Variants in MCTP1 observed in about 807,000 individuals in gnomAD.
MCTP1 encodes multiple C2 and transmembrane domain containing 1.
MCTP1 carries 69 observed loss-of-function variants against 120.6 expected under a neutral mutation model. The observed-to-expected ratio is 0.57, with a 90% CI of 0.47 to 0.70. The LOEUF (loss-of-function observed/expected upper bound fraction) is 0.70, where lower values mean the gene tolerates loss of function less well. Among genes scored for constraint, MCTP1 ranks in the 30% least tolerant of loss-of-function variants. The probability of loss-of-function intolerance (pLI) is 0.00; values close to 1 mark genes in which losing one functional copy is unlikely to be tolerated. For synonymous variants in MCTP1, 529 were observed against 493.1 expected, an observed-to-expected ratio of 1.07 and a Z score of -0.96; for missense variants, 1,203 against 1,248.8, an observed-to-expected ratio of 0.96 and a Z score of 0.55.
chr5:95,231,422 C>A (rs1307072551), intron 1 of MCTP1, among the ~76,000 whole-genome samples: 1 of 151,848 alleles, frequency 6.6e-6, no homozygotes, highest in African/African-American at 2.4e-5. Flanking sequence ...CCACTTGAAA[C>A]AACAACAGCC....
chr5:95,208,090 T>A (rs1211818196), intron 1 of MCTP1, among the ~76,000 whole-genome samples: 1 of 151,512 alleles, frequency 6.6e-6, no homozygotes, highest in African/African-American at 2.4e-5. Flanking sequence ...ATTACCCTGT[T>A]GTTGTTGTTG....
intron 18 of MCTP1, among the ~76,000 whole-genome samples, chr5:94,794,779 G>A (rs957251261): frequency 1.3e-5 from 2 of 152,172 alleles, no homozygotes; most frequent in Admixed American, 6.5e-5. Context: ...TATCATTTTT[G>A]TTTCCCTGAA....
At chr5:95,009,006 G>A (rs1835328117) in intron 2 of MCTP1, among the ~76,000 whole-genome samples, 1 of 151,548 alleles carries the variant, frequency 6.6e-6, no homozygotes, top group Non-Finnish European at 1.5e-5. Context: ...TCCAGCCTGG[G>A]TGACCCTGTC....
At chr5:95,076,017 T>C (rs10476620) in intron 1 of MCTP1, among the ~76,000 whole-genome samples, 31,149 of 152,218 alleles carry the variant, frequency 0.2, 3,434 homozygotes, top group East Asian at 0.35. Context: ...GGAAATATGT[T>C]AGAACACCCC....
At chr5:95,070,773 G>A (rs1355624259) in intron 1 of MCTP1, among the ~76,000 whole-genome samples, 1 of 152,200 alleles carries the variant, frequency 6.6e-6, no homozygotes, top group Non-Finnish European at 1.5e-5. Context: ...TCATCCCGCA[G>A]TAGTTCCATA....
intron 12 of MCTP1, among the ~76,000 whole-genome samples, chr5:94,875,175 G>A (rs1449237314): frequency 6.6e-6 from 1 of 152,072 alleles, no homozygotes; most frequent in Non-Finnish European, 1.5e-5. Flanking sequence ...AAGGTAAAAG[G>A]GAGTGTTGGT....
At chr5:95,184,167 A>AT (rs1023486174) in intron 1 of MCTP1, among the ~76,000 whole-genome samples, 1 of 152,116 alleles carries the variant, frequency 6.6e-6, no homozygotes, top group Non-Finnish European at 1.5e-5. Flanking sequence ...AATAATAATA[A>AT]AAAAAGGAGT....
chr5:94,798,103 A>C (rs1046216740), intron 18 of MCTP1, among the ~76,000 whole-genome samples: 1 of 15,178 alleles, frequency 6.6e-5, no homozygotes, highest in Non-Finnish European at 3.2e-4. Flanking sequence ...CTTGATGGTA[A>C]AAAAAAAAAA....
At chr5:94,961,891 G>A (rs1824313091) in intron 2 of MCTP1, among the ~76,000 whole-genome samples, 1 of 152,132 alleles carries the variant, frequency 6.6e-6, no homozygotes, top group Non-Finnish European at 1.5e-5. Flanking sequence ...ACTTTTCGAT[G>A]TGATTTTTTT....
chr5:95,038,725 T>A (rs556188416), intron 1 of MCTP1, among the ~76,000 whole-genome samples: 1 of 152,346 alleles, frequency 6.6e-6, no homozygotes, highest in East Asian at 1.9e-4. Flanking sequence ...TATGCAGTGT[T>A]TACGTTTAAC....
intron 14 of MCTP1, 135 bp from the exon 15 acceptor site, chr5:94,871,108 T>C: frequency 1.3e-6 from 1 of 748,816 alleles, no homozygotes; most frequent in South Asian, 1.7e-5. Context: ...AAGTACCTGT[T>C]CATTACCAGG....
At chr5:95,262,733 G>T (rs957743755) in intron 1 of MCTP1, among the ~76,000 whole-genome samples, 1 of 151,912 alleles carries the variant, frequency 6.6e-6, no homozygotes, top group Non-Finnish European at 1.5e-5. Context: ...AAAAATTGTG[G>T]CTAATTAGCC....
intron 17 of MCTP1, among the ~76,000 whole-genome samples, chr5:94,824,396 A>T (rs1786460814): frequency 6.6e-6 from 1 of 152,214 alleles, no homozygotes; most frequent in South Asian, 2.1e-4. Context: ...GATGAAGCTG[A>T]CTTGGTAGTG....
At chr5:95,021,098 C>T (rs1838127976) in intron 1 of MCTP1, among the ~76,000 whole-genome samples, 2 of 152,038 alleles carry the variant, frequency 1.3e-5, no homozygotes, top group Admixed American at 1.3e-4. Flanking sequence ...AGGTTCGAAT[C>T]CTGCCACTTA....
intron 2 of MCTP1, among the ~76,000 whole-genome samples, chr5:94,970,164 A>C (rs954146081): frequency 6.6e-6 from 1 of 151,994 alleles, no homozygotes; most frequent in Non-Finnish European, 1.5e-5. Context: ...TTATTTCCTG[A>C]AGAGTAGTAG....
intron 7 of MCTP1, among the ~76,000 whole-genome samples, chr5:94,923,665 G>A (rs1331793819): frequency 2.0e-5 from 3 of 152,078 alleles, no homozygotes; most frequent in African/African-American, 7.2e-5. Flanking sequence ...CTTCCAGATG[G>A]CACCGTTATA....
chr5:95,125,123 CAGAAG>C (rs1409279536), intron 1 of MCTP1, among the ~76,000 whole-genome samples: 4 of 152,128 alleles, frequency 2.6e-5, no homozygotes, highest in Non-Finnish European at 5.9e-5. Context: ...ATGTTTTGTG[CAGAAG>C]AGAAGGGAGT....
chr5:94,952,059 C>T (rs1318973502), intron 3 of MCTP1, among the ~76,000 whole-genome samples: 1 of 150,548 alleles, frequency 6.6e-6, no homozygotes, highest in Non-Finnish European at 1.5e-5. Context: ...GTAATCCCAG[C>T]TACTGAGGAG....
At chr5:95,193,583 C>A (rs750195408) in intron 1 of MCTP1, among the ~76,000 whole-genome samples, 1 of 152,088 alleles carries the variant, frequency 6.6e-6, no homozygotes, top group Non-Finnish European at 1.5e-5. Flanking sequence ...CACTGAAAAG[C>A]TTTTATTAGG....
Sources: allele counts gnomAD v4.1 joint callset (sites outside exome capture counted in the v4.1 genomes callset), GRCh38; gene constraint gnomAD v4.1.1; transcripts MANE v1.5; gene names NCBI Gene and HGNC (gene_info 2026-07-23, HGNC 2026-07-21).